ST6GAL2: variants seen among roughly 807,000 people sequenced by gnomAD.
ST6GAL2 encodes ST6 beta-galactoside alpha-2,6-sialyltransferase 2, also known as beta-galactoside alpha-2,6-sialyltransferase 2.
Under a neutral mutation model 37.5 loss-of-function variants are expected in ST6GAL2, and 24 were observed. The observed-to-expected ratio is 0.64, with a 90% CI of 0.46 to 0.90. The LOEUF (loss-of-function observed/expected upper bound fraction) is 0.90. Among genes scored for constraint, ST6GAL2 ranks in the 40% least tolerant of loss-of-function variants. The pLI is 0.00. For synonymous variants in ST6GAL2, 306 were observed against 295.1 expected (o/e 1.04, Z -0.38); for missense variants, 715 against 712.7 (o/e 1.00, Z -0.04).
chr2:106,820,393 A>C (rs1477705171), intron 5 of ST6GAL2, among the ~76,000 whole-genome samples: 2 of 152,174 alleles, frequency 1.3e-5, no homozygotes, highest in African/African-American at 2.4e-5. Context: ...GTAGGTCATT[A>C]TATAATGATA....
chr2:106,809,069 G>A (rs945996222), intron 5 of ST6GAL2, among the ~76,000 whole-genome samples: 4 of 152,222 alleles, frequency 2.6e-5, no homozygotes, highest in South Asian at 4.1e-4. Flanking sequence ...TGGTGTGAAT[G>A]TTCTCTGGTG....
In ST6GAL2 at chr2:106,846,112, G is replaced by A. The variant is rs138166908; in HGVS notation, c.-57-2078C>T. On this transcript the variant is annotated intron_variant, in intron 1 of 5. Coordinates refer to ENST00000409382, the MANE Select transcript of ST6GAL2 (RefSeq NM_001142351.2). ...GCGAAGAAGTCATTCTGGATGTCCC[G>A]TCTGTTGCACTTCCCGATGACTCCA... Among the ~76,000 whole-genome samples, 146 of 152,234 alleles carry A rather than the reference G, an allele frequency of 9.6e-4. 1 individual carries two copies. In the East Asian group the frequency reaches 0.024, roughly 25 times the overall value.
chr2:106,857,633 A>T (rs755739857), intron 1 of ST6GAL2, among the ~76,000 whole-genome samples: 1 of 152,158 alleles, frequency 6.6e-6, no homozygotes, highest in Non-Finnish European at 1.5e-5. Context: ...ACCAAAAAAA[A>T]CCACACACAT....
At chr2:106,874,524 C>T (rs538807619) in intron 1 of ST6GAL2, among the ~76,000 whole-genome samples, 6 of 150,448 alleles carry the variant, frequency 4.0e-5, no homozygotes, top group South Asian at 4.2e-4. Context: ...GCAGCACAAT[C>T]GAGCTTAAGG....
intron 1 of ST6GAL2, among the ~76,000 whole-genome samples, chr2:106,865,560 G>A (rs539929448): frequency 6.6e-6 from 1 of 152,304 alleles, no homozygotes; most frequent in Non-Finnish European, 1.5e-5. Context: ...GTAAGCAATA[G>A]CAAAATTCGT....
intron 1 of ST6GAL2, among the ~76,000 whole-genome samples, chr2:106,848,738 T>G (rs796288496): frequency 6.6e-6 from 1 of 152,166 alleles, no homozygotes; most frequent in East Asian, 1.9e-4. Context: ...ATTAAATAAT[T>G]CAAAATTAAA....
Position 106,812,750 on chromosome 2 carries a change from T to C in ST6GAL2, c.1319-5801A>G, listed in dbSNP as rs75012206. Among the ~76,000 whole-genome samples the C allele has an allele frequency of 6.2e-3, 950 of 152,344 alleles. 5 individuals are homozygous for C. The highest frequency in any genetic ancestry group is 0.022 in the African/African-American group (916 of 41,580). On this transcript the variant is annotated intron_variant, in intron 5 of 5. Transcript: ENST00000409382. ...CCATGCCAGACTGATGTGGGGAATT[T>C]ACATCTGGTTATGCTAAAAATGTTA...
chr2:106,849,236 ACCCAACAGACC>A (rs1677261477), intron 1 of ST6GAL2, among the ~76,000 whole-genome samples: 1 of 152,096 alleles, frequency 6.6e-6, no homozygotes, highest in African/African-American at 2.4e-5. Flanking sequence ...GCCTCAACTG[ACCCAACAGACC>A]CCCTCATGGC....
chr2:106,840,092 G>A (rs1436558902), intron 2 of ST6GAL2, among the ~76,000 whole-genome samples: 2 of 152,174 alleles, frequency 1.3e-5, no homozygotes, highest in African/African-American at 2.4e-5. Context: ...TCCCTTTGAC[G>A]TCAGCATGGA....
chr2:106,864,516 A>G (rs1349049009), intron 1 of ST6GAL2, among the ~76,000 whole-genome samples: 3 of 152,220 alleles, frequency 2.0e-5, no homozygotes, highest in Non-Finnish European at 4.4e-5. Flanking sequence ...ATGTATTCAC[A>G]TTTCCCATTC....
intron 4 of ST6GAL2, among the ~76,000 whole-genome samples, chr2:106,831,609 T>G (rs920278837): frequency 6.6e-6 from 1 of 152,210 alleles, no homozygotes; most frequent in African/African-American, 2.4e-5. Context: ...GATGGGGCTC[T>G]GACAGATTTT....
intron 1 of ST6GAL2, among the ~76,000 whole-genome samples, chr2:106,854,212 T>G (rs1677482329): frequency 6.6e-6 from 1 of 152,198 alleles, no homozygotes; most frequent in Admixed American, 6.5e-5. Flanking sequence ...AGATAGATAA[T>G]GCCACCTATT....
At chr2:106,847,743 TG>T (rs1325264668) in intron 1 of ST6GAL2, among the ~76,000 whole-genome samples, 8 of 152,200 alleles carry the variant, frequency 5.3e-5, no homozygotes, top group African/African-American at 1.9e-4. Context: ...ACTAGATTTA[TG>T]GCTATAGTTT....
intron 5 of ST6GAL2, among the ~76,000 whole-genome samples, chr2:106,808,503 C>T (rs187214420): frequency 1.1e-4 from 16 of 152,252 alleles, no homozygotes; most frequent in African/African-American, 3.4e-4. Context: ...GTTTTTCTCC[C>T]AGGTCCCTCT....
chr2:106,861,454 T>A (rs549839742), intron 1 of ST6GAL2, among the ~76,000 whole-genome samples: 1 of 152,292 alleles, frequency 6.6e-6, no homozygotes, highest in African/African-American at 2.4e-5. Context: ...ATTTATTATA[T>A]ATCCAGGCAC....
chr2:106,856,955 T>G (rs1473470445), intron 1 of ST6GAL2, among the ~76,000 whole-genome samples: 1 of 152,148 alleles, frequency 6.6e-6, no homozygotes, highest in East Asian at 1.9e-4. Flanking sequence ...ATAAAATAAG[T>G]GTAAATGAAA....
Position 106,806,849 on chromosome 2 carries a change from G to A in ST6GAL2, c.1419C>T (p.Tyr473=), listed in dbSNP as rs369293524. 30 of 1,614,166 alleles carry A rather than the reference G, an allele frequency of 1.9e-5. No homozygotes were observed. The highest frequency in any genetic ancestry group is 5.3e-5 in the African/African-American group (4 of 75,044). The change falls in exon 6 of 6, where the codon TAC becomes TAT. Residue 473 remains tyrosine, a synonymous_variant. Transcript: ENST00000409382. ...TELCHYHELY[Y]DAACTLGAYH... ...ACGCCCCGAGGGTGCAGGCTGCGTC[G>A]TAGTACAGCTCGTGGTAGTGGCACA...
At position 106,809,903 on chromosome 2, in the gene ST6GAL2, T is replaced by A. The variant is rs548307139; in HGVS notation, c.1319-2954A>T. On this transcript the variant is annotated intron_variant, in intron 5 of 5. Transcript: ENST00000409382. ...TCTAGTTGTAGACCAGTAACACACGTTCCTGGACCAGTGCTGGTCTACTCT... is the reference window on the plus strand; with the variant it reads ...TCTAGTTGTAGACCAGTAACACACGATCCTGGACCAGTGCTGGTCTACTCT... 2.5e-4 allele frequency among the ~76,000 whole-genome samples: 38 copies of A among 152,336 alleles called. No individual in the cohort carries two copies. The South Asian group carries it at 7.9e-3, about 32-fold the overall frequency.
At chr2:106,823,421 G>T in intron 5 of ST6GAL2, among the ~76,000 whole-genome samples, 1 of 135,670 alleles carries the variant, frequency 7.4e-6, no homozygotes, top group African/African-American at 2.7e-5. Context: ...AACATTTATT[G>T]CTTTCCTTTT....
Sources: allele counts gnomAD v4.1 joint callset (sites outside exome capture counted in the v4.1 genomes callset), GRCh38; gene constraint gnomAD v4.1.1; transcripts MANE v1.5; gene names NCBI Gene and HGNC (gene_info 2026-07-23, HGNC 2026-07-21).